Variants in ASIC2 observed in about 807,000 individuals in gnomAD.
ASIC2 encodes the protein acid-sensing ion channel 2.
A neutral mutation model predicts 57.3 loss-of-function variants in ASIC2; 25 were observed. That is an observed-to-expected ratio of 0.44 (90% CI 0.32 to 0.61). ASIC2 has a LOEUF of 0.61. Among genes scored for constraint, ASIC2 ranks in the 20% least tolerant of loss-of-function variants. ASIC2 has a pLI of 0.06. For synonymous variants in ASIC2, 319 were observed against 307.5 expected (o/e 1.04, Z -0.39); for missense variants, 641 against 738.1 (o/e 0.87, Z 1.52).
chr17:33,525,484 C>G (rs985404317), intron 1 of ASIC2, among the ~76,000 whole-genome samples: 3 of 152,190 alleles, frequency 2.0e-5, no homozygotes, highest in African/African-American at 4.8e-5. Context: ...CCGTCAAGGT[C>G]AGAGCAATAA....
chr17:33,083,182 T>C (rs2092120146), intron 3 of ASIC2, among the ~76,000 whole-genome samples: 1 of 152,176 alleles, frequency 6.6e-6, no homozygotes, highest in African/African-American at 2.4e-5. Context: ...CTCACATTTA[T>C]GGATCTTATC....
Position 33,025,972 on chromosome 17 carries a change from A to C in ASIC2, c.1149T>G (p.Pro383=). 1 of 1,613,662 alleles carries C rather than the reference A, an allele frequency of 6.2e-7. No individual in the cohort carries two copies. Among genetic ancestry groups the C allele is most frequent in the Non-Finnish European group, 8.5e-7 (1 of 1,179,792 alleles). Residue 383 remains proline (P), a synonymous_variant, in exon 5 of 10, where the codon CCT becomes CCG. Transcript: ENST00000225823. ...CRMVHMPGDA[P]FCTPEQHKEC... ...CCTTGTGCTGCTCAGGGGTACAAAA[A>C]GGGGCATCCCCTGCAAAGAAGAAAC...
intron 1 of ASIC2, among the ~76,000 whole-genome samples, chr17:34,084,073 T>G (rs1393733486): frequency 6.6e-6 from 1 of 151,918 alleles, no homozygotes; most frequent in African/African-American, 2.4e-5. Flanking sequence ...TTGCTTTTGG[T>G]GTTTTAGACA....
intron 1 of ASIC2, among the ~76,000 whole-genome samples, chr17:33,559,170 A>G (rs890102845): frequency 6.6e-6 from 1 of 152,116 alleles, no homozygotes; most frequent in Non-Finnish European, 1.5e-5. Context: ...TTCTAGCACT[A>G]CTTGACTTCT....
chr17:33,291,407 CGGA>C lies in ASIC2; in HGVS notation c.706_708del (p.Ser236del), dbSNP rs1449154433. The C allele has an allele frequency of 6.9e-6, 11 of 1,593,658 alleles. No individual in the cohort carries two copies. Among genetic ancestry groups the C allele is most frequent in the African/African-American group, 2.7e-5 (2 of 74,520 alleles). On this transcript the variant is annotated inframe_deletion and splice_region_variant, in exon 1 of 10. Transcript: ENST00000225823. ...GCGGGTTCGCGCGGAGGGCAACTCA[CGGA>C]GGAGAAGTTGTGCGGCCCGCAGAGC...
intron 1 of ASIC2, among the ~76,000 whole-genome samples, chr17:33,732,503 CTTTTTTTTT>C (rs35048594): frequency 7.9e-6 from 1 of 127,300 alleles, no homozygotes. Context: ...TAAGGAAATT[CTTTTTTTTT>C]TTTTTTTTTT....
intron 1 of ASIC2, among the ~76,000 whole-genome samples, chr17:33,700,276 GA>G (rs1001621199): frequency 6.7e-5 from 10 of 148,480 alleles, no homozygotes; most frequent in African/African-American, 1.2e-4. Context: ...CTGGGGAGGT[GA>G]AAAAAAAAAG....
chr17:33,733,779 G>C (rs1391117552), intron 1 of ASIC2, among the ~76,000 whole-genome samples: 3 of 152,042 alleles, frequency 2.0e-5, no homozygotes, highest in African/African-American at 7.2e-5. Flanking sequence ...AGTTACCCTC[G>C]CTCCCGTTCA....
intron 1 of ASIC2, among the ~76,000 whole-genome samples, chr17:33,315,584 G>A (rs1363225380): frequency 6.6e-6 from 1 of 152,094 alleles, no homozygotes; most frequent in Admixed American, 6.5e-5. Flanking sequence ...GAAAAGAATG[G>A]GTTAAATGAT....
intron 1 of ASIC2, among the ~76,000 whole-genome samples, chr17:33,606,644 G>A (rs1359261781): frequency 6.6e-6 from 1 of 152,184 alleles, no homozygotes; most frequent in Non-Finnish European, 1.5e-5. Flanking sequence ...TATGTATGTA[G>A]CATAGTGCCT....
At chr17:33,503,273 C>A (rs1039444080) in intron 1 of ASIC2, among the ~76,000 whole-genome samples, 1 of 152,166 alleles carries the variant, frequency 6.6e-6, no homozygotes, top group South Asian at 2.1e-4. Flanking sequence ...GGGTTTATTA[C>A]AGGCAAAATG....
intron 1 of ASIC2, among the ~76,000 whole-genome samples, chr17:33,540,690 G>A (rs1275184552): frequency 1.3e-5 from 2 of 152,092 alleles, no homozygotes; most frequent in Non-Finnish European, 2.9e-5. Flanking sequence ...GGCGGGTATA[G>A]GTTTCCCTAC....
intron 1 of ASIC2, among the ~76,000 whole-genome samples, chr17:33,258,759 G>A (rs117051429): frequency 6.6e-6 from 1 of 152,320 alleles, no homozygotes; most frequent in Non-Finnish European, 1.5e-5. Flanking sequence ...CTAAAGCTCA[G>A]TGAAGTTAAA....
intron 1 of ASIC2, among the ~76,000 whole-genome samples, chr17:34,044,065 G>A (rs1908235277): frequency 6.6e-6 from 1 of 151,646 alleles, no homozygotes; most frequent in African/African-American, 2.4e-5. Context: ...GGATAAAACA[G>A]CTCATACAAA....
At chr17:33,075,513 A>G (rs1413216713) in intron 3 of ASIC2, among the ~76,000 whole-genome samples, 1 of 152,142 alleles carries the variant, frequency 6.6e-6, no homozygotes, top group African/African-American at 2.4e-5. Context: ...GAAAGGGGCG[A>G]GACAGTCTTC....
chr17:34,132,229 T>G (rs1441264572), intron 1 of ASIC2, among the ~76,000 whole-genome samples: 1 of 152,198 alleles, frequency 6.6e-6, no homozygotes, highest in African/African-American at 2.4e-5. Flanking sequence ...AAGTTCGTGG[T>G]GTCGCTGACT....
At chr17:33,085,987 A>G (rs2092132592) in intron 3 of ASIC2, among the ~76,000 whole-genome samples, 1 of 152,222 alleles carries the variant, frequency 6.6e-6, no homozygotes, top group Admixed American at 6.5e-5. Flanking sequence ...CTGAGAATAC[A>G]CTTCAAAGCT....
chr17:33,112,084 A>G lies in ASIC2; in HGVS notation c.709-17T>C. ...TGTAAACACCTGAAGGAGAGAAGAGAGAGAGAGAGAGAAGCACATGGGTAA... is the reference window on the plus strand; with the variant it reads ...TGTAAACACCTGAAGGAGAGAAGAGGGAGAGAGAGAGAAGCACATGGGTAA... On this transcript the variant is annotated splice_polypyrimidine_tract_variant and intron_variant, in intron 1 of 9. Coordinates refer to ENST00000225823, the MANE Select transcript of ASIC2 (RefSeq NM_183377.2). 6.2e-7 allele frequency: 1 copy of G among 1,602,770 alleles called. No individual in the cohort carries two copies.
At chr17:33,383,219 G>T (rs1218958051) in intron 1 of ASIC2, among the ~76,000 whole-genome samples, 1 of 152,080 alleles carries the variant, frequency 6.6e-6, no homozygotes, top group Admixed American at 6.5e-5. Flanking sequence ...CACTTATTAC[G>T]TGGATTTCAA....
Sources: allele counts gnomAD v4.1 joint callset (sites outside exome capture counted in the v4.1 genomes callset), GRCh38; gene constraint gnomAD v4.1.1; transcripts MANE v1.5; gene names NCBI Gene and HGNC (gene_info 2026-07-23, HGNC 2026-07-21).